The following TRIM44 variants were observed in gnomAD, a reference collection of about 807,000 sequenced individuals.
The protein encoded by TRIM44 is tripartite motif containing 44, also known as tripartite motif-containing protein 44.
A neutral mutation model predicts 37.4 loss-of-function variants in TRIM44; 13 were observed. The ratio of observed to expected loss-of-function variants is 0.35; its 90% CI spans 0.23 to 0.55. TRIM44 has a LOEUF of 0.55. TRIM44 is among the 20% of genes least tolerant of loss of function. The pLI, the probability that TRIM44 is intolerant of heterozygous loss-of-function variation, is 0.89. For synonymous variants in TRIM44, 175 were observed against 157.2 expected, an observed-to-expected ratio of 1.11 and a Z score of -0.85; for missense variants, 426 against 437.2, an observed-to-expected ratio of 0.97 and a Z score of 0.23.
intron 4 of TRIM44, among the ~76,000 whole-genome samples, chr11:35,802,240 C>T (rs984603094): frequency 3.9e-5 from 6 of 152,056 alleles, no homozygotes. Context: ...AGTGTTAGAT[C>T]GATGGATAGA....
At chr11:35,788,571 C>T (rs1853158921) in intron 4 of TRIM44, among the ~76,000 whole-genome samples, 1 of 152,172 alleles carries the variant, frequency 6.6e-6, no homozygotes, top group African/African-American at 2.4e-5. Flanking sequence ...TGGCCTCTAA[C>T]AAGAATGCCC....
chr11:35,687,665 G>T (rs1851597234), intron 2 of TRIM44, among the ~76,000 whole-genome samples: 1 of 152,172 alleles, frequency 6.6e-6, no homozygotes, highest in Non-Finnish European at 1.5e-5. Flanking sequence ...GATCCTTTAT[G>T]AATGCATGTA....
At position 35,671,266 on chromosome 11, in the gene TRIM44, G is replaced by T. The variant is rs116105114; in HGVS notation, c.669+7486G>T. 1.9e-3 allele frequency among the ~76,000 whole-genome samples: 289 copies of T among 152,282 alleles called. 1 individual carries two copies. The highest frequency in any genetic ancestry group is 6.6e-3 in the African/African-American group (273 of 41,562). On this transcript the variant is annotated intron_variant, in intron 1 of 4. Transcript: ENST00000299413. ...AAAACATAATACAGGATTAGAGAGG[G>T]ACAGGAAATATCCTTGCTCTACCAT...
Position 35,806,624 on chromosome 11 carries a change from G to T in TRIM44, c.*239G>T. On this transcript the variant is annotated 3_prime_UTR_variant, in exon 5 of 5. Transcript: ENST00000299413. ...GGAAAAGAGCCCCTTTGATCCACCA[G>T]GAGCAATTAAGAAAGGTCCTTCAGG... The T allele has an allele frequency of 2.0e-6, 1 of 506,936 alleles. No homozygotes were observed. Among genetic ancestry groups the T allele is most frequent in the South Asian group, 3.0e-5 (1 of 33,328 alleles). The allele number at this position is 506,936 out of a possible 1,614,324, so 31.4% of individuals were successfully genotyped here. A position where few individuals can be genotyped will look rare whatever the true frequency, so the allele number is the denominator to read the frequency against.
Position 35,815,514 on chromosome 11 carries a change from A to G in TRIM44, c.*9129A>G, listed in dbSNP as rs1431197593. ...TGGGTATTTCTCAACACTCAAGCCA[A>G]TTTCCCATTTGATAACAAGTAGGTT... On this transcript the variant is annotated 3_prime_UTR_variant, in exon 5 of 5. Coordinates refer to ENST00000299413, the MANE Select transcript of TRIM44 (RefSeq NM_017583.6). 1.3e-5 allele frequency: 2 copies of G among 152,150 alleles called. No individual in the cohort carries two copies. The highest frequency in any genetic ancestry group is 2.9e-5 in the Non-Finnish European group (2 of 68,028). The allele number at this position is 152,150 out of a possible 1,614,324, so 9.4% of individuals were successfully genotyped here.
At chr11:35,670,053 C>T (rs1200881076) in intron 1 of TRIM44, among the ~76,000 whole-genome samples, 2 of 152,230 alleles carry the variant, frequency 1.3e-5, no homozygotes, top group East Asian at 3.9e-4. Flanking sequence ...GAACTCCTGA[C>T]CTCAAATGAT....
At chr11:35,718,185 G>T (rs1852060899) in intron 2 of TRIM44, among the ~76,000 whole-genome samples, 1 of 152,132 alleles carries the variant, frequency 6.6e-6, no homozygotes, top group Non-Finnish European at 1.5e-5. Context: ...GGAAGGAAGG[G>T]TCTTAAAGGT....
chr11:35,697,535 G>A (rs1423382939), intron 2 of TRIM44, among the ~76,000 whole-genome samples: 3 of 149,848 alleles, frequency 2.0e-5, no homozygotes, highest in Non-Finnish European at 3.0e-5. Context: ...CATGTGCCAC[G>A]TTGGTGTGCT....
Position 35,775,047 on chromosome 11 carries a change from A to G in TRIM44, c.1008-31311A>G, listed in dbSNP as rs190971502. On this transcript the variant is annotated intron_variant, in intron 4 of 4. Coordinates refer to ENST00000299413, the MANE Select transcript of TRIM44 (RefSeq NM_017583.6). ...GATTGGGGATGGCATTGAATCTATA[A>G]ATTACCTTGGGCAGTATGGCCATTT... 1.8e-3 allele frequency among the ~76,000 whole-genome samples: 280 copies of G among 152,276 alleles called. 2 individuals are homozygous for G. Among genetic ancestry groups the G allele is most frequent in the African/African-American group, 6.5e-3 (269 of 41,526 alleles).
chr11:35,796,325 AGAGAT>A (rs1455884762), intron 4 of TRIM44, among the ~76,000 whole-genome samples: 1 of 152,262 alleles, frequency 6.6e-6, no homozygotes, highest in African/African-American at 2.4e-5. Flanking sequence ...GACAGAGATT[AGAGAT>A]AAGTGTCAAG....
At chr11:35,736,138 A>G (rs1171818404) in intron 4 of TRIM44, among the ~76,000 whole-genome samples, 9 of 152,170 alleles carry the variant, frequency 5.9e-5, no homozygotes, top group Non-Finnish European at 1.0e-4. Flanking sequence ...GTAAAAGGCA[A>G]TGTCCAGATG....
chr11:35,718,744 G>A lies in TRIM44; in HGVS notation c.748-7180G>A, dbSNP rs76041364. Among the ~76,000 whole-genome samples the A allele has an allele frequency of 7.2e-4, 109 of 152,040 alleles. 1 individual carries two copies. In the East Asian group the frequency reaches 0.019, roughly 26 times the overall value. ...TTATTTTCCCTTCCTCCAAACCTCT[G>A]GCAACTGATCTTTTTACTGTCTCCA... On this transcript the variant is annotated intron_variant, in intron 2 of 4. Coordinates refer to ENST00000299413, the MANE Select transcript of TRIM44 (RefSeq NM_017583.6).
intron 4 of TRIM44, among the ~76,000 whole-genome samples, chr11:35,742,679 T>TAATTATATTAA (rs1852423185): frequency 7.4e-6 from 1 of 135,688 alleles, no homozygotes; most frequent in African/African-American, 2.8e-5. Flanking sequence ...AATTGTATTA[T>TAATTATATTAA]ATATAATTAT....
chr11:35,760,993 C>T (rs1852717693), intron 4 of TRIM44, among the ~76,000 whole-genome samples: 1 of 152,172 alleles, frequency 6.6e-6, no homozygotes, highest in Non-Finnish European at 1.5e-5. Flanking sequence ...CTTCTCTCTA[C>T]TTCTGTAAGA....
intron 4 of TRIM44, among the ~76,000 whole-genome samples, chr11:35,788,011 T>C (rs1460009138): frequency 6.6e-6 from 1 of 152,200 alleles, no homozygotes; most frequent in East Asian, 1.9e-4. Context: ...TTCATGCTTA[T>C]TCCCTTGATT....
chr11:35,811,505 A>C lies in TRIM44; in HGVS notation c.*5120A>C, dbSNP rs1241819567. 1 of 152,214 alleles carries C rather than the reference A, an allele frequency of 6.6e-6. No individual in the cohort carries two copies. The highest frequency in any genetic ancestry group is 1.5e-5 in the Non-Finnish European group (1 of 68,032). 9.4% of individuals were successfully genotyped at this position (152,214 alleles called of 1,614,324 possible). A position where few individuals can be genotyped will look rare whatever the true frequency, so the allele number is the denominator to read the frequency against. On this transcript the variant is annotated 3_prime_UTR_variant, in exon 5 of 5. Coordinates refer to ENST00000299413, the MANE Select transcript of TRIM44 (RefSeq NM_017583.6). ...ATCTTTGTTTTGTGAAACTTTAGAA[A>C]TACATATTTGCATGTAATTGATGAA...
At chr11:35,696,392 T>C (rs1033680940) in intron 2 of TRIM44, among the ~76,000 whole-genome samples, 9 of 151,478 alleles carry the variant, frequency 5.9e-5, no homozygotes, top group Admixed American at 5.3e-4. Context: ...TCCACCTGTC[T>C]CGGCCTCCCA....
At chr11:35,672,177 C>T (rs1190562868) in intron 1 of TRIM44, among the ~76,000 whole-genome samples, 3 of 152,170 alleles carry the variant, frequency 2.0e-5, no homozygotes, top group African/African-American at 7.2e-5. Context: ...ATTTTGAACA[C>T]AACCTACAGT....
At chr11:35,746,031 A>G (rs145861204) in intron 4 of TRIM44, among the ~76,000 whole-genome samples, 1 of 152,326 alleles carries the variant, frequency 6.6e-6, no homozygotes, top group Non-Finnish European at 1.5e-5. Context: ...TTGAAGCACC[A>G]TCTTCCAAAT....
Sources: allele counts gnomAD v4.1 joint callset (sites outside exome capture counted in the v4.1 genomes callset), GRCh38; gene constraint gnomAD v4.1.1; transcripts MANE v1.5; gene names NCBI Gene and HGNC (gene_info 2026-07-23, HGNC 2026-07-21).